Variants in OSBPL9 observed in about 807,000 individuals in gnomAD.
The protein encoded by OSBPL9 is oxysterol binding protein like 9, also known as oxysterol-binding protein-related protein 9.
Under a neutral mutation model 106.6 loss-of-function variants are expected in OSBPL9, and 40 were observed. That is an observed-to-expected ratio of 0.38 (90% CI 0.29 to 0.49). The LOEUF is 0.49. Among genes scored for constraint, OSBPL9 ranks in the 20% least tolerant of loss-of-function variants. The pLI, the probability that OSBPL9 is intolerant of heterozygous loss-of-function variation, is 0.97. For missense variants in OSBPL9, 609 were observed against 887.2 expected (o/e 0.69, Z 3.98); for synonymous variants, 269 against 295.4 (o/e 0.91, Z 0.92).
intron 3 of OSBPL9, among the ~76,000 whole-genome samples, chr1:51,675,412 G>T (rs2148781467): frequency 6.6e-6 from 1 of 152,004 alleles, no homozygotes; most frequent in South Asian, 2.1e-4. Context: ...TTGAGTGTGT[G>T]TGTGTGTGTG....
At chr1:51,665,777 T>G (rs768357617) in intron 2 of OSBPL9, among the ~76,000 whole-genome samples, 24 of 152,168 alleles carry the variant, frequency 1.6e-4, no homozygotes, top group Non-Finnish European at 1.5e-4. Context: ...AAAGTAATGT[T>G]TTTTTCCATA....
At chr1:51,776,542 G>A (rs1489151794) in intron 14 of OSBPL9, among the ~76,000 whole-genome samples, 1 of 152,150 alleles carries the variant, frequency 6.6e-6, no homozygotes, top group East Asian at 1.9e-4. Flanking sequence ...AGTTTGTTGA[G>A]TAGTTTGTTG....
intron 4 of OSBPL9, among the ~76,000 whole-genome samples, chr1:51,733,564 C>T (rs1396087364): frequency 2.0e-5 from 3 of 152,142 alleles, no homozygotes; most frequent in Non-Finnish European, 4.4e-5. Context: ...CACCTGAGGT[C>T]AGGAGTTGGA....
chr1:51,753,529 A>G (rs1230213221), intron 8 of OSBPL9, among the ~76,000 whole-genome samples: 1 of 152,228 alleles, frequency 6.6e-6, no homozygotes, highest in East Asian at 1.9e-4. Flanking sequence ...ATAAATTGTT[A>G]TAGCCACTTT....
chr1:51,658,613 AT>A (rs1200750066), intron 2 of OSBPL9, among the ~76,000 whole-genome samples: 3 of 152,104 alleles, frequency 2.0e-5, no homozygotes, highest in Non-Finnish European at 2.9e-5. Flanking sequence ...ATTGAATGTG[AT>A]TTCCTGAGAG....
chr1:51,606,535 A>G (rs1182824837), intron 2 of OSBPL9, among the ~76,000 whole-genome samples: 1 of 152,222 alleles, frequency 6.6e-6, no homozygotes, highest in Non-Finnish European at 1.5e-5. Flanking sequence ...TCTGGTTGGC[A>G]CAGAAGGCTG....
intron 3 of OSBPL9, 101 bp downstream of exon 3, chr1:51,669,613 TC>T (rs1236743425): frequency 1.8e-6 from 2 of 1,117,132 alleles, no homozygotes; most frequent in Non-Finnish European, 2.7e-6. Flanking sequence ...TTGCAACTGA[TC>T]CTGCATGAAC....
chr1:51,734,193 T>C (rs950064725), intron 4 of OSBPL9, among the ~76,000 whole-genome samples: 2 of 152,224 alleles, frequency 1.3e-5, no homozygotes, highest in Admixed American at 6.5e-5. Context: ...TCCTGCCATA[T>C]TGGAGTTCAT....
the OSBPL9 span, among the ~76,000 whole-genome samples, chr1:51,534,718 G>A: frequency 0.04 from 6,069 of 152,290 alleles, 168 homozygotes; most frequent in East Asian, 0.13. Context: ...TGCAAGTGAC[G>A]TTTATTATGT....
At chr1:51,671,607 A>G (rs1321182925) in intron 3 of OSBPL9, among the ~76,000 whole-genome samples, 1 of 152,210 alleles carries the variant, frequency 6.6e-6, no homozygotes, top group African/African-American at 2.4e-5. Flanking sequence ...AGGAAAGGAG[A>G]AAGGTAATCA....
chr1:51,657,654 G>A (rs1646896674), intron 2 of OSBPL9, among the ~76,000 whole-genome samples: 2 of 152,250 alleles, frequency 1.3e-5, no homozygotes, highest in African/African-American at 4.8e-5. Flanking sequence ...TGTTGGTTAT[G>A]AAGTGTGTGC....
intron 3 of OSBPL9, chr1:51,707,200 C>A: frequency 2.6e-6 from 1 of 381,532 alleles, no homozygotes; most frequent in South Asian, 2.0e-5. Context: ...GATTCATTTT[C>A]ATTGTCATAC....
At chr1:51,554,995 CCTGTA>C in the OSBPL9 span, among the ~76,000 whole-genome samples, 1 of 152,166 alleles carries the variant, frequency 6.6e-6, no homozygotes, top group Admixed American at 6.5e-5. Flanking sequence ...GGTCCAAAAT[CCTGTA>C]CTGCCCTAGC....
rs758174157 is a variant in OSBPL9, at chr1:51,639,816, G to GTTTTTT, written c.112-12154_112-12149dup. Reference sequence around the variant, plus strand: ...CAGATTCGGGGAGGCATTCCTAGTTGTTTTTTTTTTTTTTTTTTTTTTTTT... The same window carrying GTTTTTT: ...CAGATTCGGGGAGGCATTCCTAGTTGTTTTTTTTTTTTTTTTTTTTTTTTTTTTTTT... On this transcript the variant is annotated intron_variant, in intron 1 of 23. Coordinates refer to ENST00000428468, the MANE Select transcript of OSBPL9 (RefSeq NM_024586.6). 6.0e-5 allele frequency among the ~76,000 whole-genome samples: 4 copies of GTTTTTT among 67,048 alleles called. 1 individual carries two copies. Among genetic ancestry groups the GTTTTTT allele is most frequent in the African/African-American group, 1.3e-4 (2 of 15,536 alleles). The allele number at this position is 67,048 out of a possible 152,430, so 44.0% of individuals were successfully genotyped here.
In OSBPL9 at chr1:51,781,259, A is replaced by G; in HGVS notation, c.1352A>G (p.Lys451Arg). ...GCGGGAAGGAAAGGATCAGTTGCCA[A>G]AAAGCCATACAATCCCATTTTGGGC... Reference protein sequence around the residue: ...FHAGRKGSVAKKPYNPILGEI... With the variant: ...FHAGRKGSVARKPYNPILGEI... The change falls in exon 16 of 24, where the codon AAA becomes AGA. Residue 451 changes from lysine (K) to arginine (R), a missense_variant. Transcript: ENST00000428468. The G allele has an allele frequency of 6.2e-7, 1 of 1,614,222 alleles. No homozygotes were observed. The highest frequency in any genetic ancestry group is 8.5e-7 in the Non-Finnish European group (1 of 1,180,028).
chr1:51,531,247 C>T, the OSBPL9 span, among the ~76,000 whole-genome samples: 1 of 152,138 alleles, frequency 6.6e-6, no homozygotes, highest in Admixed American at 6.6e-5. Flanking sequence ...CACTGCACTC[C>T]AGCCTGGTGA....
intron 4 of OSBPL9, among the ~76,000 whole-genome samples, chr1:51,719,536 A>G (rs1367039111): frequency 6.6e-6 from 1 of 152,032 alleles, no homozygotes; most frequent in Non-Finnish European, 1.5e-5. Context: ...AAGACTCAGG[A>G]TGTTACATCC....
upstream of OSBPL9, among the ~76,000 whole-genome samples, chr1:51,615,345 A>T (rs950512821): frequency 1.3e-5 from 2 of 152,176 alleles, no homozygotes; most frequent in African/African-American, 4.8e-5. Context: ...TGGCATCTGA[A>T]CCCATACTCT....
chr1:51,722,310 T>G (rs1271194161), intron 4 of OSBPL9, among the ~76,000 whole-genome samples: 2 of 152,184 alleles, frequency 1.3e-5, no homozygotes, highest in Non-Finnish European at 2.9e-5. Flanking sequence ...AATCTACATG[T>G]TTTTTCAGAA....
Sources: allele counts gnomAD v4.1 joint callset (sites outside exome capture counted in the v4.1 genomes callset), GRCh38; gene constraint gnomAD v4.1.1; transcripts MANE v1.5; gene names NCBI Gene and HGNC (gene_info 2026-07-23, HGNC 2026-07-21).